Variants in SYNE2 observed in about 807,000 individuals in gnomAD.
SYNE2 encodes the protein nesprin-2.
In SYNE2, 431 loss-of-function variants were observed where a neutral mutation model predicts 856.3. The observed-to-expected ratio is 0.50, with a 90% CI of 0.47 to 0.55. The LOEUF (loss-of-function observed/expected upper bound fraction) is 0.55, where lower values mean the gene tolerates loss of function less well. SYNE2 is among the 20% of genes least tolerant of loss of function. The probability of loss-of-function intolerance (pLI) is 0.00; values close to 1 mark genes in which losing one functional copy is unlikely to be tolerated. For missense variants in SYNE2, 8,129 were observed against 8,023.2 expected (o/e 1.01, Z -0.50); for synonymous variants, 2,923 against 2,872.3 (o/e 1.02, Z -0.56).
At chr14:63,909,624 C>T (rs1159431966) in intron 2 of SYNE2, among the ~76,000 whole-genome samples, 1 of 152,072 alleles carries the variant, frequency 6.6e-6, no homozygotes, top group African/African-American at 2.4e-5. Flanking sequence ...GGCGGATCAC[C>T]CAAGGTCAGG....
chr14:63,995,063 C>T lies in SYNE2; in HGVS notation c.2801C>T (p.Ser934Phe), dbSNP rs1419596389. 6.4e-7 allele frequency: 1 copy of T among 1,556,716 alleles called. No homozygotes were observed. Among genetic ancestry groups the T allele is most frequent in the Admixed American group, 1.7e-5 (1 of 57,640 alleles). The change falls in exon 23 of 116, where the codon TCT (serine) becomes TTT (phenylalanine). Residue 934 changes from serine to phenylalanine, a missense_variant. Ser to Phe is a radical substitution (Grantham distance 155). Coordinates refer to ENST00000555002, the MANE Select transcript of SYNE2 (RefSeq NM_182914.3). Reference sequence around the variant, plus strand: ...TTGTAGTCTCTTCATCATGAACTGTCTTTATATGTTCAACAACTAAAAATA... The same window carrying T: ...TTGTAGTCTCTTCATCATGAACTGTTTTTATATGTTCAACAACTAAAAATA... ...AKWESLHHEL[S>F]LYVQQLKIDI... is the part of the protein sequence containing the mutation.
chr14:64,127,666 A>C (rs1163806364), intron 73 of SYNE2, among the ~76,000 whole-genome samples: 2 of 152,214 alleles, frequency 1.3e-5, no homozygotes, highest in Admixed American at 1.3e-4. Context: ...GGAGAGGCAG[A>C]GACTCCAGGC....
chr14:63,873,778 C>T (rs954558489), intron 1 of SYNE2: 1 of 152,212 alleles, frequency 6.6e-6, no homozygotes, highest in Non-Finnish European at 1.5e-5. Flanking sequence ...ACCATTGCTT[C>T]CTCACTGAAC....
intron 57 of SYNE2, among the ~76,000 whole-genome samples, chr14:64,087,093 T>TTAAAAA (rs370560128): frequency 1.2e-4 from 12 of 98,426 alleles, no homozygotes; most frequent in African/African-American, 4.4e-4. Flanking sequence ...TGATAATTGG[T>TTAAAAA]AAAAAAAAAA....
rs2098368354 is a variant in SYNE2 at position 64,165,351 on chromosome 14, G to A, written c.16546G>A (p.Glu5516Lys). Reference protein sequence around the residue: ...LESLKGLIMHEEENLDRLHQQ... With the variant: ...LESLKGLIMHKEENLDRLHQQ... The stretch of plus-strand genomic sequence containing the variant: ...ATCTTTAAAAGGTCTTATTATGCAT[G>A]AAGAAGAGAATTTGGATAGACTTCA... Residue 5516 changes from glutamate to lysine, a missense_variant, in exon 90 of 116, where the codon GAA becomes AAA. This residue lies in a region of SYNE2 where 5,410 missense variants were observed against 5,284.8 expected (regional missense o/e 1.02). Transcript: ENST00000555002. 6 of 1,613,642 alleles carry A rather than the reference G, an allele frequency of 3.7e-6. No homozygotes were observed. The highest frequency in any genetic ancestry group is 5.1e-6 in the Non-Finnish European group (6 of 1,179,656).
intron 65 of SYNE2, among the ~76,000 whole-genome samples, chr14:64,111,917 G>GT (rs377128127): frequency 8.6e-4 from 131 of 152,286 alleles, no homozygotes; most frequent in African/African-American, 3.1e-3. Flanking sequence ...CCTTGAGAAG[G>GT]TTTTCAAGAT....
Position 63,884,225 on chromosome 14 carries a change from C to T in SYNE2, c.-51-24873C>T, listed in dbSNP as rs547091360. On this transcript the variant is annotated intron_variant, in intron 1 of 115. Coordinates refer to ENST00000555002, the MANE Select transcript of SYNE2 (RefSeq NM_182914.3). ...TAGACTTAGCAGGCCAGCGCTGCTA[C>T]AGAAGCCTTCCGGGGGCACTTGGAG... Among the ~76,000 whole-genome samples the T allele has an allele frequency of 3.3e-5, 5 of 152,344 alleles. No individual in the cohort carries two copies. The South Asian group carries it at 1.0e-3, about 32-fold the overall frequency.
intron 1 of SYNE2, among the ~76,000 whole-genome samples, chr14:63,860,532 T>C (rs1893271014): frequency 6.6e-6 from 1 of 152,210 alleles, no homozygotes; most frequent in Non-Finnish European, 1.5e-5. Flanking sequence ...GCCTCAAGCT[T>C]TTGCTTGTCA....
Position 64,126,681 on chromosome 14 carries a change from C to G in SYNE2, c.13791C>G (p.Gly4597=). 2 of 1,614,168 alleles carry G rather than the reference C, an allele frequency of 1.2e-6. No homozygotes were observed. The highest frequency in any genetic ancestry group is 1.7e-6 in the Non-Finnish European group (2 of 1,180,014). Residue 4597 remains glycine (G), a synonymous_variant, in exon 73 of 116, where the codon GGC becomes GGG. Coordinates refer to ENST00000555002, the MANE Select transcript of SYNE2 (RefSeq NM_182914.3). ...GDLLKAMTWP[G]ENTNLLLECF... is the part of the protein sequence containing the mutation. ...TTTTGAAAGCCATGACTTGGCCTGG[C>G]GAGAACACCAACTTGCTCCTTGAAT... is the stretch of plus-strand genomic sequence containing the variant.
intron 1 of SYNE2, among the ~76,000 whole-genome samples, chr14:63,889,046 C>CAA (rs200729691): frequency 3.1e-4 from 34 of 108,642 alleles, no homozygotes; most frequent in Admixed American, 6.4e-4. Context: ...TACTAAAATA[C>CAA]AAAAAAAAAA....
At chr14:64,067,853 A>G (rs940094836) in intron 51 of SYNE2, among the ~76,000 whole-genome samples, 1 of 152,176 alleles carries the variant, frequency 6.6e-6, no homozygotes, top group African/African-American at 2.4e-5. Flanking sequence ...TCACATTGTC[A>G]AAGATAATTG....
At position 63,991,012 on chromosome 14, in the gene SYNE2, T is replaced by A. The variant is rs1256314717; in HGVS notation, c.2543T>A (p.Leu848Gln). Residue 848 changes from leucine (L) to glutamine (Q), a missense_variant, in exon 21 of 116, where the codon CTG (leucine) becomes CAG (glutamine). Leu to Gln is a moderately radical substitution (Grantham distance 113). Transcript: ENST00000555002. The part of the protein sequence containing the change: ...TDVSPDLDIR[L>Q]KMEESQKELE... ...GTTTCACCAGATTTGGACATCAGGC[T>A]GAAGATGGAAGAATCCCAGAAGGAA... 6.2e-7 allele frequency: 1 copy of A among 1,614,048 alleles called. No homozygotes were observed. The highest frequency in any genetic ancestry group is 8.5e-7 in the Non-Finnish European group (1 of 1,180,020).
intron 1 of SYNE2, among the ~76,000 whole-genome samples, chr14:63,871,394 G>T (rs939015830): frequency 6.6e-6 from 1 of 151,954 alleles, no homozygotes; most frequent in Non-Finnish European, 1.5e-5. Context: ...TTTTAGTAGA[G>T]ACGGGGTTTC....
chr14:63,947,312 A>G (rs2096051702), intron 6 of SYNE2, among the ~76,000 whole-genome samples: 1 of 152,204 alleles, frequency 6.6e-6, no homozygotes, highest in South Asian at 2.1e-4. Flanking sequence ...AACACTTGAG[A>G]TGTGGCTAGT....
At chr14:64,100,033 A>G (rs991103497) in intron 63 of SYNE2, 2 of 151,956 alleles carry the variant, frequency 1.3e-5, no homozygotes, top group Non-Finnish European at 2.9e-5. Context: ...ATGCACACAT[A>G]TGTTTACTGC....
At position 64,049,650 on chromosome 14, in the gene SYNE2, A is replaced by C. The variant is rs2097210469; in HGVS notation, c.7417A>C (p.Lys2473Gln). ...TQLEAKKAAIKPLEQTECLNK... is the reference protein window; with the variant it reads ...TQLEAKKAAIQPLEQTECLNK... ...GTTGGAAGCAAAGAAAGCAGCCATTAAGCCACTGGAACAAACAGAATGTCT... is the reference window on the plus strand; with the variant it reads ...GTTGGAAGCAAAGAAAGCAGCCATTCAGCCACTGGAACAAACAGAATGTCT... Residue 2473 changes from lysine (K) to glutamine (Q), a missense_variant, in exon 47 of 116, where the codon AAG (lysine) becomes CAG (glutamine). Lys to Gln is a moderately conservative substitution (Grantham distance 53). Coordinates refer to ENST00000555002, the MANE Select transcript of SYNE2 (RefSeq NM_182914.3). 1 of 1,614,142 alleles carries C rather than the reference A, an allele frequency of 6.2e-7. No homozygotes were observed. Among genetic ancestry groups the C allele is most frequent in the Non-Finnish European group, 8.5e-7 (1 of 1,180,018 alleles).
rs1388341915 is a variant in SYNE2 at position 64,052,020 on chromosome 14, G to A, written c.8107G>A (p.Glu2703Lys). The A allele has an allele frequency of 3.7e-6, 6 of 1,613,692 alleles. No individual in the cohort carries two copies. In the African/African-American group the frequency reaches 6.7e-5, roughly 18 times the overall value. ...IWGEKEKKNLEDGINNLKKQW... is the reference protein window; with the variant it reads ...IWGEKEKKNLKDGINNLKKQW... ...GGGAGAAAAAGAAAAGAAGAATTTG[G>A]AGGATGGAATAAATAACTTGAAGAA... is the stretch of plus-strand genomic sequence containing the variant. Residue 2703 changes from glutamate to lysine, a missense_variant, in exon 48 of 116, where the codon GAG becomes AAG. By Grantham distance (56) the Glu-to-Lys change is moderately conservative. Coordinates refer to ENST00000555002, the MANE Select transcript of SYNE2 (RefSeq NM_182914.3).
chr14:63,964,532 T>G (rs2096364465), intron 10 of SYNE2, among the ~76,000 whole-genome samples: 1 of 152,114 alleles, frequency 6.6e-6, no homozygotes, highest in African/African-American at 2.4e-5. Context: ...TATTTTTATT[T>G]TTATTTTTCG....
rs760853716 is a variant in SYNE2 at position 64,090,872 on chromosome 14, C to T, written c.11800C>T (p.Leu3934Phe). The change falls in exon 60 of 116, where the codon CTT (leucine) becomes TTT (phenylalanine). Residue 3934 changes from leucine (L) to phenylalanine (F), a missense_variant. By Grantham distance (22) the Leu-to-Phe change is conservative (BLOSUM62 0). Coordinates refer to ENST00000555002, the MANE Select transcript of SYNE2 (RefSeq NM_182914.3). ...CTCCTCTTATATAATTAAGGTCATA[C>T]TTGAAAATATACGTCCCATGAAGAA... ...EEHLKHGEVI[L>F]ENIRPMKKTI... The T allele has an allele frequency of 3.5e-5, 57 of 1,613,784 alleles. No individual in the cohort carries two copies. Among genetic ancestry groups the T allele is most frequent in the Non-Finnish European group, 4.5e-5 (53 of 1,179,854 alleles).
Sources: gnomAD v4.1 joint callset for allele counts (sites outside exome capture counted in the v4.1 genomes callset) on GRCh38, gnomAD v4.1.1 for gene constraint, gnomAD v4.1.1 regional missense constraint, MANE v1.5 for transcripts, NCBI Gene and HGNC (gene_info 2026-07-23, HGNC 2026-07-21) for gene names.